The following KDM2B variants were observed in gnomAD, a reference collection of about 807,000 sequenced individuals.
The protein encoded by KDM2B is lysine demethylase 2B.
KDM2B carries 26 observed loss-of-function variants against 150.0 expected under a neutral mutation model. The observed-to-expected ratio is 0.17, with a 90% confidence interval of 0.13 to 0.24. The LOEUF is 0.24. Ranked by LOEUF, KDM2B falls within the 10% of genes least tolerant of loss-of-function variation. KDM2B has a pLI of 1.00. For synonymous variants in KDM2B, 734 were observed against 729.5 expected (o/e 1.01, Z -0.10); for missense variants, 1,265 against 1,816.9 (o/e 0.70, Z 5.52).
rs1888503445 is a variant in KDM2B, at chr12:121,540,277, T to C, written c.684-5687A>G. Among the ~76,000 whole-genome samples, 3 of 152,294 alleles carry C rather than the reference T, an allele frequency of 2.0e-5. No homozygotes were observed. In the South Asian group the frequency reaches 6.2e-4, roughly 32 times the overall value. On this transcript the variant is annotated intron_variant, in intron 6 of 22. Coordinates refer to ENST00000377071, the MANE Select transcript of KDM2B (RefSeq NM_032590.5). ...ATCTAAAGGCCTGGGGTCTAGTGCA[T>C]GGCCCACAGCATCCTCCCTGTGCGG...
chr12:121,465,987 A>C (rs1555294697), intron 12 of KDM2B, among the ~76,000 whole-genome samples: 1 of 152,206 alleles, frequency 6.6e-6, no homozygotes, highest in Non-Finnish European at 1.5e-5. Flanking sequence ...GAGATTCCTA[A>C]CACCTCAAAA....
At chr12:121,505,417 C>T (rs1232013480) in intron 11 of KDM2B, among the ~76,000 whole-genome samples, 10 of 152,040 alleles carry the variant, frequency 6.6e-5, no homozygotes, top group Non-Finnish European at 1.2e-4. Flanking sequence ...GGCTGTCCAA[C>T]CACCTGAGCC....
intron 9 of KDM2B, chr12:121,516,867 GAA>G (rs11433051): frequency 1.2e-3 from 644 of 550,566 alleles, no homozygotes; most frequent in Middle Eastern, 1.8e-3. Context: ...TTTTCTCCTG[GAA>G]AAAAAAAAAA....
At position 121,445,388 on chromosome 12, in the gene KDM2B, C is replaced by T; in HGVS notation, c.1990G>A (p.Val664Met). 2 of 1,608,602 alleles carry T rather than the reference C, an allele frequency of 1.2e-6. No individual in the cohort carries two copies. Among genetic ancestry groups the T allele is most frequent in the Non-Finnish European group, 1.7e-6 (2 of 1,177,078 alleles). ...PVLPHTAVCL[V>M]CGEAGKEDTV... is the part of the protein sequence containing the mutation. ...TCTTCCTTCCCCGCCTCGCCACACA[C>T]AAGGCACACGGCGGTGTGGGGCAGC... is the stretch of plus-strand genomic sequence containing the variant. The change falls in exon 14 of 23, where the codon GTG (valine) becomes ATG (methionine). Residue 664 changes from valine (V) to methionine (M), a missense_variant. Physicochemically the swap from Val to Met is conservative, Grantham distance 21 (BLOSUM62 1). Around this residue, in one of 11 missense-constraint regions of KDM2B, gnomAD observed 30 missense variants for 32.0 expected, o/e 0.94. Coordinates refer to ENST00000377071, the MANE Select transcript of KDM2B (RefSeq NM_032590.5).
chr12:121,577,065 C>T (rs1891545595), intron 2 of KDM2B, among the ~76,000 whole-genome samples: 1 of 152,192 alleles, frequency 6.6e-6, no homozygotes, highest in Non-Finnish European at 1.5e-5. Context: ...GCTAAGGGCT[C>T]CTGTTTCTAA....
At chr12:121,490,610 C>A (rs1453233937) in intron 12 of KDM2B, among the ~76,000 whole-genome samples, 3 of 152,328 alleles carry the variant, frequency 2.0e-5, no homozygotes, top group Middle Eastern at 3.4e-3. Context: ...CGTTCCTTCA[C>A]CCAGCCTGTA....
At chr12:121,498,142 A>G (rs1454789760) in intron 11 of KDM2B, among the ~76,000 whole-genome samples, 1 of 152,148 alleles carries the variant, frequency 6.6e-6, no homozygotes, top group Non-Finnish European at 1.5e-5. Context: ...CTCTTTCTAA[A>G]AAATCATTAA....
chr12:121,462,120 G>A lies in KDM2B; in HGVS notation c.1735-8776C>T, dbSNP rs149259743. On this transcript the variant is annotated intron_variant, in intron 12 of 22. Coordinates refer to ENST00000377071, the MANE Select transcript of KDM2B (RefSeq NM_032590.5). Reference sequence around the variant, plus strand: ...GACAGCCCCACAAGGGAAGGCCACAGGCCCCCCGATTTCTTTGTGCATGCT... The same window carrying A: ...GACAGCCCCACAAGGGAAGGCCACAAGCCCCCCGATTTCTTTGTGCATGCT... Among the ~76,000 whole-genome samples the A allele has an allele frequency of 2.9e-3, 440 of 152,368 alleles. 2 individuals are homozygous for A. Among genetic ancestry groups the A allele is most frequent in the African/African-American group, 9.5e-3 (395 of 41,580 alleles).
At chr12:121,409,294 C>G in the KDM2B span, among the ~76,000 whole-genome samples, 1 of 152,032 alleles carries the variant, frequency 6.6e-6, no homozygotes, top group East Asian at 1.9e-4. Flanking sequence ...CTTAGCTGAC[C>G]CTTTCTTAAA....
rs781944025 is a variant in KDM2B, at chr12:121,521,826, G to C, written c.932-726C>G. The stretch of plus-strand genomic sequence containing the variant: ...CACCATCACAAGGGAAACGGAGGCA[G>C]GGCCAGGTGTAGTGGTGCACCTCTG... On this transcript the variant is annotated intron_variant, in intron 8 of 22. Coordinates refer to ENST00000377071, the MANE Select transcript of KDM2B (RefSeq NM_032590.5). The surrounding 1 kb of genome is among the most constrained non-coding windows in gnomAD (Gnocchi z 4.9). 7.2e-5 allele frequency among the ~76,000 whole-genome samples: 11 copies of C among 152,218 alleles called. No homozygotes were observed. Among genetic ancestry groups the C allele is most frequent in the Non-Finnish European group, 1.6e-4 (11 of 68,046 alleles).
chr12:121,526,539 G>A (rs1271056537), intron 8 of KDM2B, among the ~76,000 whole-genome samples: 2 of 151,950 alleles, frequency 1.3e-5, no homozygotes, highest in African/African-American at 2.4e-5. Context: ...GTCACTGTGA[G>A]ATCTTGGGCC....
chr12:121,559,320 A>G (rs1890153249), intron 4 of KDM2B, among the ~76,000 whole-genome samples: 1 of 151,556 alleles, frequency 6.6e-6, no homozygotes, highest in Non-Finnish European at 1.5e-5. Context: ...GGTGTCCTGG[A>G]AGCTGGACTT....
chr12:121,498,897 C>G (rs1884240409), intron 11 of KDM2B, among the ~76,000 whole-genome samples: 1 of 152,090 alleles, frequency 6.6e-6, no homozygotes, highest in East Asian at 1.9e-4. Flanking sequence ...ACCACAGCCT[C>G]GAACTCCTGG....
rs1555288979 is a variant in KDM2B at position 121,442,948 on chromosome 12, T to C, written c.2604+44A>G. Reference sequence around the variant, plus strand: ...GGCCCAGGGAGCTGCGGTGCAGCTCTAACCGCTCAGGCCTGGGGCACAGGA... The same window carrying C: ...GGCCCAGGGAGCTGCGGTGCAGCTCCAACCGCTCAGGCCTGGGGCACAGGA... On this transcript the variant is annotated intron_variant, in intron 18 of 22. Transcript: ENST00000377071. The surrounding 1 kb of genome is among the most constrained non-coding windows in gnomAD (Gnocchi z 7.7). 6.2e-7 allele frequency: 1 copy of C among 1,609,352 alleles called. No homozygotes were observed. Among genetic ancestry groups the C allele is most frequent in the Non-Finnish European group, 8.5e-7 (1 of 1,177,310 alleles).
intron 11 of KDM2B, 34 bp downstream of exon 11, chr12:121,509,533 C>T (rs782503867): frequency 1.9e-6 from 3 of 1,601,400 alleles, no homozygotes; most frequent in Non-Finnish European, 2.6e-6. Context: ...CGGCCCTCCT[C>T]GGCCGCCCAG....
chr12:121,484,338 AAAGGGCACTCCGAG>A (rs1378926506), intron 12 of KDM2B, among the ~76,000 whole-genome samples: 1 of 152,148 alleles, frequency 6.6e-6, no homozygotes, highest in Non-Finnish European at 1.5e-5. Flanking sequence ...GAAATGGGGA[AAAGGGCACTCCGAG>A]AAGGAAGGAG....
chr12:121,554,019 G>A (rs1208422989), intron 4 of KDM2B, among the ~76,000 whole-genome samples: 1 of 143,770 alleles, frequency 7.0e-6, no homozygotes, highest in Non-Finnish European at 1.5e-5. Flanking sequence ...GGGTAATATA[G>A]TGACACCCCA....
intron 12 of KDM2B, among the ~76,000 whole-genome samples, chr12:121,457,693 A>C (rs1235217005): frequency 1.3e-5 from 2 of 151,748 alleles, no homozygotes; most frequent in Non-Finnish European, 2.9e-5. Context: ...TCAGCCCAGG[A>C]ACCATATCCT....
chr12:121,503,073 G>A (rs373416272), intron 11 of KDM2B, among the ~76,000 whole-genome samples: 20 of 151,208 alleles, frequency 1.3e-4, no homozygotes, highest in African/African-American at 4.4e-4. Context: ...CACCTCCCAG[G>A]TTCAAGTGAT....
Sources: gnomAD v4.1 joint callset for allele counts (sites outside exome capture counted in the v4.1 genomes callset) on GRCh38, gnomAD v4.1.1 for gene constraint, gnomAD v4.1.1 regional missense constraint, Gnocchi (gnomAD v3.1) non-coding constraint, MANE v1.5 for transcripts, NCBI Gene and HGNC (gene_info 2026-07-23, HGNC 2026-07-21) for gene names.